IGSF21: variants seen among roughly 807,000 people sequenced by gnomAD.
IGSF21 encodes the protein immunoglobin superfamily member 21.
Under a neutral mutation model 46.8 loss-of-function variants are expected in IGSF21, and 28 were observed. That is an observed-to-expected ratio of 0.60 (90% CI 0.44 to 0.82). The LOEUF is 0.82. Ranked by LOEUF, IGSF21 falls within the 40% of genes least tolerant of loss-of-function variation. The probability of loss-of-function intolerance (pLI) is 0.00; values close to 1 mark genes in which losing one functional copy is unlikely to be tolerated. For synonymous variants in IGSF21, 284 were observed against 273.6 expected (o/e 1.04, Z -0.38); for missense variants, 624 against 665.5 (o/e 0.94, Z 0.69).
intron 1 of IGSF21, among the ~76,000 whole-genome samples, chr1:18,184,511 C>T (rs555377947): frequency 4.6e-5 from 7 of 152,270 alleles, no homozygotes; most frequent in South Asian, 2.1e-4. Context: ...TCAAATGAGA[C>T]GCTTGTCTGG....
chr1:18,203,228 C>G (rs1328888585), intron 1 of IGSF21, among the ~76,000 whole-genome samples: 1 of 152,216 alleles, frequency 6.6e-6, no homozygotes, highest in Non-Finnish European at 1.5e-5. Flanking sequence ...GATGCTGCAA[C>G]AAGCAGGTCT....
chr1:18,346,104 A>G (rs559734384), intron 4 of IGSF21, among the ~76,000 whole-genome samples: 76 of 152,224 alleles, frequency 5.0e-4, no homozygotes, highest in African/African-American at 1.8e-3. Flanking sequence ...TTTGGCTTCA[A>G]CCCTCACCCT....
At chr1:18,253,392 C>A (rs2084860969) in intron 2 of IGSF21, among the ~76,000 whole-genome samples, 1 of 152,284 alleles carries the variant, frequency 6.6e-6, no homozygotes, top group East Asian at 1.9e-4. Flanking sequence ...CCAATGCACA[C>A]CCTTGAGGAC....
chr1:18,304,726 CACAT>C (rs759682819), intron 3 of IGSF21, among the ~76,000 whole-genome samples: 61 of 29,610 alleles, frequency 2.1e-3, no homozygotes, highest in African/African-American at 6.4e-3. Flanking sequence ...CACACACACA[CACAT>C]ACACACACAC....
intron 6 of IGSF21, among the ~76,000 whole-genome samples, chr1:18,369,460 C>A (rs575359473): frequency 2.6e-5 from 4 of 152,288 alleles, no homozygotes; most frequent in Non-Finnish European, 5.9e-5. Context: ...GGTCAGCCAG[C>A]CAAGGCTGTC....
At chr1:18,368,917 C>T (rs142347223) in intron 6 of IGSF21, among the ~76,000 whole-genome samples, 2 of 152,190 alleles carry the variant, frequency 1.3e-5, no homozygotes, top group African/African-American at 4.8e-5. Context: ...TGTGCCTCTG[C>T]TGGCCTGTGT....
chr1:18,159,717 C>G (rs1351919892), intron 1 of IGSF21, among the ~76,000 whole-genome samples: 1 of 146,132 alleles, frequency 6.8e-6, no homozygotes, highest in Non-Finnish European at 1.5e-5. Flanking sequence ...GAGTCTCGCT[C>G]TGTCACCCAG....
intron 3 of IGSF21, among the ~76,000 whole-genome samples, chr1:18,310,776 T>C (rs2085481571): frequency 6.6e-6 from 1 of 152,164 alleles, no homozygotes. Flanking sequence ...TGGCCACACT[T>C]CCTCTGAAAG....
At chr1:18,124,284 A>G (rs751099990) in intron 1 of IGSF21, among the ~76,000 whole-genome samples, 1 of 152,186 alleles carries the variant, frequency 6.6e-6, no homozygotes, top group African/African-American at 2.4e-5. Context: ...GCTGTACCCC[A>G]AGCACTGTGA....
At chr1:18,340,972 C>CCTT (rs1252000276) in intron 4 of IGSF21, among the ~76,000 whole-genome samples, 2 of 123,252 alleles carry the variant, frequency 1.6e-5, no homozygotes, top group Non-Finnish European at 3.5e-5. Flanking sequence ...TCCTTCTTCT[C>CCTT]CTTCTTCTTC....
At chr1:18,307,198 TG>T (rs1259824291) in intron 3 of IGSF21, among the ~76,000 whole-genome samples, 4 of 152,098 alleles carry the variant, frequency 2.6e-5, no homozygotes, top group Non-Finnish European at 5.9e-5. Flanking sequence ...GAGTATTTTG[TG>T]GGGACCATGG....
chr1:18,172,414 T>A (rs1348515235), intron 1 of IGSF21, among the ~76,000 whole-genome samples: 4 of 152,234 alleles, frequency 2.6e-5, no homozygotes, highest in Non-Finnish European at 5.9e-5. Flanking sequence ...TATCATAGAC[T>A]GTGTGGCTTA....
chr1:18,164,818 T>C (rs887049841), intron 1 of IGSF21, among the ~76,000 whole-genome samples: 1 of 151,830 alleles, frequency 6.6e-6, no homozygotes, highest in African/African-American at 2.4e-5. Context: ...ATGTACCATG[T>C]TGGTTTGCTG....
At chr1:18,286,385 A>C (rs1264128537) in intron 2 of IGSF21, among the ~76,000 whole-genome samples, 1 of 152,130 alleles carries the variant, frequency 6.6e-6, no homozygotes, top group East Asian at 1.9e-4. Context: ...CTTGGAGCTT[A>C]CAGTCCTGAG....
intron 1 of IGSF21, among the ~76,000 whole-genome samples, chr1:18,150,100 A>C (rs75762217): frequency 2.6e-3 from 395 of 152,176 alleles, no homozygotes; most frequent in African/African-American, 9.2e-3. Flanking sequence ...CAAAACAAAA[A>C]ATTAGCCGGG....
rs182847353 is a variant in IGSF21 at position 18,257,610 on chromosome 1, C to T, written c.183+29600C>T. On this transcript the variant is annotated intron_variant, in intron 2 of 9. Transcript: ENST00000251296. ...ATGCACTGAGCTCAATTCTGGCCAA[C>T]AAACACTTAGCAGTACCCACTGTGT... Among the ~76,000 whole-genome samples the T allele has an allele frequency of 2.4e-4, 36 of 152,222 alleles. No homozygotes were observed. In the East Asian group the frequency reaches 7.0e-3, roughly 29 times the overall value.
At chr1:18,293,897 T>C (rs1164949742) in intron 3 of IGSF21, among the ~76,000 whole-genome samples, 2 of 152,178 alleles carry the variant, frequency 1.3e-5, no homozygotes, top group Non-Finnish European at 2.9e-5. Flanking sequence ...AGAACATTCC[T>C]GAGCACCACC....
At chr1:18,127,801 C>T (rs536079160) in intron 1 of IGSF21, among the ~76,000 whole-genome samples, 104 of 152,126 alleles carry the variant, frequency 6.8e-4, no homozygotes, top group Middle Eastern at 3.4e-3. Context: ...CCCAGCTACT[C>T]GGGAGGCTGA....
At chr1:18,362,676 T>A (rs981180543) in intron 5 of IGSF21, among the ~76,000 whole-genome samples, 5 of 151,842 alleles carry the variant, frequency 3.3e-5, no homozygotes, top group Non-Finnish European at 5.9e-5. Flanking sequence ...GGAGCCCACA[T>A]GATCAGCAGG....
Sources: allele counts gnomAD v4.1 joint callset (sites outside exome capture counted in the v4.1 genomes callset), GRCh38; gene constraint gnomAD v4.1.1; transcripts MANE v1.5; gene names NCBI Gene and HGNC (gene_info 2026-07-23, HGNC 2026-07-21).